The following PLA2G2C variants were observed in gnomAD, a reference collection of about 807,000 sequenced individuals.
The protein encoded by PLA2G2C is phospholipase A2 group IIC.
Under a neutral mutation model 14.3 loss-of-function variants are expected in PLA2G2C, and 15 were observed. The ratio of observed to expected loss-of-function variants is 1.05; its 90% CI spans 0.70 to 1.62. PLA2G2C has a LOEUF of 1.62. Ranked by LOEUF, PLA2G2C falls within the 40% of genes most tolerant of loss-of-function variation. The probability of loss-of-function intolerance (pLI) is 0.00; values close to 1 mark genes in which losing one functional copy is unlikely to be tolerated. For missense variants in PLA2G2C, 162 were observed against 173.2 expected, an observed-to-expected ratio of 0.94 and a Z score of 0.36; for synonymous variants, 79 against 67.7, an observed-to-expected ratio of 1.17 and a Z score of -0.82.
chr1:20,166,455 C>T (rs895867165), intron 4 of PLA2G2C, among the ~76,000 whole-genome samples: 1 of 152,194 alleles, frequency 6.6e-6, no homozygotes, highest in African/African-American at 2.4e-5. Flanking sequence ...CTTCCAGATG[C>T]ATCAAGCCCA....
At chr1:20,169,970 C>A (rs1254304759) in intron 4 of PLA2G2C, among the ~76,000 whole-genome samples, 1 of 152,242 alleles carries the variant, frequency 6.6e-6, no homozygotes, top group Non-Finnish European at 1.5e-5. Flanking sequence ...TCCAATCATG[C>A]ACACACCAGC....
intron 4 of PLA2G2C, among the ~76,000 whole-genome samples, chr1:20,165,508 G>A (rs1296502742): frequency 6.6e-6 from 1 of 152,238 alleles, no homozygotes; most frequent in Non-Finnish European, 1.5e-5. Flanking sequence ...GCTGCACAGA[G>A]CAGATGCTCA....
intron 1 of PLA2G2C, among the ~76,000 whole-genome samples, chr1:20,181,359 TGAATCCTCCC>T (rs1194442238): frequency 1.3e-5 from 2 of 152,260 alleles, no homozygotes; most frequent in East Asian, 3.9e-4. Context: ...GGATTCTCCT[TGAATCCTCCC>T]GAATCCTCCC....
chr1:20,170,510 G>C (rs1195585353), intron 4 of PLA2G2C, among the ~76,000 whole-genome samples: 1 of 152,178 alleles, frequency 6.6e-6, no homozygotes, highest in Non-Finnish European at 1.5e-5. Flanking sequence ...CGGGTACCCA[G>C]TGGATGCTCG....
At chr1:20,167,068 T>G (rs552137488) in intron 4 of PLA2G2C, among the ~76,000 whole-genome samples, 4 of 152,224 alleles carry the variant, frequency 2.6e-5, no homozygotes, top group Non-Finnish European at 5.9e-5. Context: ...CTGCATGAAC[T>G]ACATCTCCAC....
intron 1 of PLA2G2C, among the ~76,000 whole-genome samples, chr1:20,185,911 C>T (rs2018366416): frequency 6.6e-6 from 1 of 152,216 alleles, no homozygotes; most frequent in Non-Finnish European, 1.5e-5. Flanking sequence ...CCGCGGGTCC[C>T]TGTCGCCTCC....
intron 2 of PLA2G2C, 155 bp from the exon 3 acceptor site, chr1:20,175,300 T>C: frequency 9.3e-7 from 1 of 1,074,460 alleles, no homozygotes; most frequent in Non-Finnish European, 1.4e-6. Context: ...CACCAGCCTC[T>C]TTCCTGGGGA....
At chr1:20,184,366 A>C (rs1308325153) in intron 1 of PLA2G2C, 1 of 152,254 alleles carries the variant, frequency 6.6e-6, no homozygotes, top group Non-Finnish European at 1.5e-5. Context: ...CTTTTGACAG[A>C]ATCATTAACA....
intron 4 of PLA2G2C, among the ~76,000 whole-genome samples, chr1:20,170,331 C>A (rs916681716): frequency 6.6e-6 from 1 of 152,236 alleles, no homozygotes; most frequent in Non-Finnish European, 1.5e-5. Context: ...TCAAACTCAT[C>A]CCCTCTGTGG....
In PLA2G2C at chr1:20,175,317, T is replaced by G. The variant is rs982430332; in HGVS notation, c.41-172A>C. 4.9e-5 allele frequency: 46 copies of G among 937,816 alleles called. No individual in the cohort carries two copies. The African/African-American group carries it at 6.5e-4, about 13-fold the overall frequency. 58.1% of individuals were successfully genotyped at this position (937,816 alleles called of 1,614,324 possible). On this transcript the variant is annotated intron_variant, in intron 2 of 4. Coordinates refer to ENST00000679259, the MANE Select transcript of PLA2G2C (RefSeq NM_001367969.2). ...CCAGCCTCTTTCCTGGGGAATAAAA[T>G]AGGTTCAGATTTGCCCCTGTAACAC...
intron 1 of PLA2G2C, among the ~76,000 whole-genome samples, chr1:20,179,401 G>T (rs1375305966): frequency 6.6e-6 from 1 of 151,426 alleles, no homozygotes; most frequent in Non-Finnish European, 1.5e-5. Context: ...CTTCTCCCTT[G>T]TGTGTCAGCT....
intron 4 of PLA2G2C, among the ~76,000 whole-genome samples, chr1:20,172,495 T>C (rs756331049): frequency 3.1e-4 from 47 of 152,074 alleles, no homozygotes; most frequent in Admixed American, 2.6e-4. Context: ...ACAGCAGCAG[T>C]TGTCAAGGGA....
rs1297709756 is a variant in PLA2G2C, at chr1:20,172,816, G to A, written c.261C>T (p.His87=). 1.2e-6 allele frequency: 2 copies of A among 1,613,722 alleles called. No homozygotes were observed. The highest frequency in any genetic ancestry group is 2.7e-5 in the African/African-American group (2 of 74,908). ...CQPVLNSYQF[H]IVNGAVVCGC... is the part of the protein sequence containing the mutation. ...CACAAACCACTGCGCCATTGACGAT[G>A]TGGAACTGGTAGCTGTTCAACACAG... Residue 87 remains histidine (H), a synonymous_variant, in exon 4 of 5, where the codon CAC becomes CAT. Transcript: ENST00000679259.
At chr1:20,166,767 C>G (rs879431589) in intron 4 of PLA2G2C, among the ~76,000 whole-genome samples, 2 of 152,164 alleles carry the variant, frequency 1.3e-5, no homozygotes, top group African/African-American at 4.8e-5. Flanking sequence ...CTTTCTAATG[C>G]GTGCATCTGA....
intron 1 of PLA2G2C, among the ~76,000 whole-genome samples, chr1:20,185,832 C>T (rs886230683): frequency 5.9e-5 from 9 of 152,224 alleles, no homozygotes; most frequent in Non-Finnish European, 1.2e-4. Flanking sequence ...AGGGCTCTCC[C>T]TCTCCCAGAC....
intron 4 of PLA2G2C, among the ~76,000 whole-genome samples, chr1:20,172,156 A>C (rs2018092571): frequency 6.6e-6 from 1 of 152,178 alleles, no homozygotes; most frequent in Admixed American, 6.5e-5. Flanking sequence ...TGCTCACGAA[A>C]GACTACTGTC....
At chr1:20,172,621 A>G (rs562860221) in intron 4 of PLA2G2C, among the ~76,000 whole-genome samples, 173 bp downstream of exon 4, 1 of 152,124 alleles carries the variant, frequency 6.6e-6, no homozygotes, top group African/African-American at 2.4e-5. Context: ...CCAGGGCAGG[A>G]TGAGCACGGA....
At chr1:20,171,790 C>G (rs1312676429) in intron 4 of PLA2G2C, among the ~76,000 whole-genome samples, 2 of 130,668 alleles carry the variant, frequency 1.5e-5, no homozygotes, top group African/African-American at 5.8e-5. Context: ...GAGACGGAGT[C>G]TCGCTCTGTG....
At position 20,164,106 on chromosome 1, in the gene PLA2G2C, C is replaced by G; in HGVS notation, c.335G>C (p.Cys112Ser). ...GASCHCRLKA[C>S]ECDKQSVHCF... is the part of the protein sequence containing the mutation. The stretch of plus-strand genomic sequence containing the variant: ...GTGCACGGATTGCTTGTCACACTCA[C>G]AGGCCTTCAGCCTGCAGTGGCAGCT... The change falls in exon 5 of 5, where the codon TGT (cysteine) becomes TCT (serine). Residue 112 changes from cysteine to serine, a missense_variant. By Grantham distance (112) the Cys-to-Ser change is moderately radical. Coordinates refer to ENST00000679259, the MANE Select transcript of PLA2G2C (RefSeq NM_001367969.2). 6.2e-7 allele frequency: 1 copy of G among 1,613,934 alleles called. No homozygotes were observed. Among genetic ancestry groups the G allele is most frequent in the Non-Finnish European group, 8.5e-7 (1 of 1,179,874 alleles).
Sources: gnomAD v4.1 joint callset for allele counts (sites outside exome capture counted in the v4.1 genomes callset) on GRCh38, gnomAD v4.1.1 for gene constraint, MANE v1.5 for transcripts, NCBI Gene and HGNC (gene_info 2026-07-23, HGNC 2026-07-21) for gene names.